ATP1A3: variants seen among roughly 807,000 people sequenced by gnomAD.
The protein encoded by ATP1A3 is sodium/potassium-transporting ATPase subunit alpha-3.
In ATP1A3, 12 loss-of-function variants were observed where a neutral mutation model predicts 108.8. That is an observed-to-expected ratio of 0.11 (90% CI 0.07 to 0.18). The LOEUF (loss-of-function observed/expected upper bound fraction) is 0.18, where lower values mean the gene tolerates loss of function less well. Among genes scored for constraint, ATP1A3 ranks in the 10% least tolerant of loss-of-function variants. ATP1A3 has a pLI of 1.00. For synonymous variants in ATP1A3, 539 were observed against 564.5 expected (o/e 0.95, Z 0.64); for missense variants, 498 against 1,387.7 (o/e 0.36, Z 10.19).
chr19:41,989,735 A>G (rs1170454435), intron 1 of ATP1A3, among the ~76,000 whole-genome samples: 1 of 151,350 alleles, frequency 6.6e-6, no homozygotes, highest in African/African-American at 2.4e-5. Flanking sequence ...GCTTTGTTTC[A>G]TCATCTCTCT....
chr19:41,971,021 G>A (rs1377073860), intron 16 of ATP1A3, among the ~76,000 whole-genome samples: 1 of 151,534 alleles, frequency 6.6e-6, no homozygotes, highest in Non-Finnish European at 1.5e-5. Context: ...CTGCAGTGCA[G>A]TGGCATGATC....
At chr19:41,969,619 T>C (rs377088200) in intron 18 of ATP1A3, 39 bp from the exon 19 acceptor site, 65 of 1,611,236 alleles carry the variant, frequency 4.0e-5, no homozygotes, top group Admixed American at 5.0e-5. Flanking sequence ...GAGGCTCAGA[T>C]TGGGGCCAGC....
In ATP1A3 at chr19:41,994,171, C is replaced by T; in HGVS notation, c.-95G>A. The T allele has an allele frequency of 1.6e-6, 2 of 1,271,856 alleles. No homozygotes were observed. Among genetic ancestry groups the T allele is most frequent in the South Asian group, 1.6e-5 (1 of 64,132 alleles). 78.8% of individuals were successfully genotyped at this position (1,271,856 alleles called of 1,614,324 possible). A position where few individuals can be genotyped will look rare whatever the true frequency, so the allele number is the denominator to read the frequency against. ...TTGGGCTGGGAGCCTCTGCAGCGCC[C>T]GCGCCTCGGTAGGTGCGCGCGTCCG... is the stretch of plus-strand genomic sequence containing the variant. On this transcript the variant is annotated 5_prime_UTR_variant, in exon 1 of 23. Coordinates refer to ENST00000648268, the MANE Select transcript of ATP1A3 (RefSeq NM_152296.5).
At chr19:41,975,144 TG>T (rs1276338472) in intron 16 of ATP1A3, among the ~76,000 whole-genome samples, 10 of 151,906 alleles carry the variant, frequency 6.6e-5, no homozygotes, top group Admixed American at 6.6e-4. Flanking sequence ...CTCCACCTCC[TG>T]GGTTCAAGCA....
intron 18 of ATP1A3, among the ~76,000 whole-genome samples, chr19:41,969,840 C>T (rs1195336164): frequency 6.6e-6 from 1 of 152,222 alleles, no homozygotes; most frequent in Non-Finnish European, 1.5e-5. Context: ...CTCACCTGAC[C>T]TAGGCCACCT....
chr19:41,987,914 AG>A, intron 4 of ATP1A3, 21 bp downstream of exon 4: 2 of 1,612,338 alleles, frequency 1.2e-6, no homozygotes, highest in Non-Finnish European at 1.7e-6. Context: ...AGCCTTGCAC[AG>A]GGCAGGGTCC....
At position 41,984,024 on chromosome 19, in the gene ATP1A3, C is replaced by T. The variant is rs548832415; in HGVS notation, c.993+894G>A. 5.9e-5 allele frequency among the ~76,000 whole-genome samples: 9 copies of T among 152,020 alleles called. No homozygotes were observed. The South Asian group carries it at 1.7e-3, about 28-fold the overall frequency. On this transcript the variant is annotated intron_variant, in intron 8 of 22. Transcript: ENST00000648268. ...TCCTGACCTCAGGTGATCCACCCGC[C>T]TCGGCCTCCCAAAGTCTTGGGACTA...
chr19:41,994,022 G>C, intron 1 of ATP1A3, 49 bp downstream of exon 1: 2 of 1,608,026 alleles, frequency 1.2e-6, no homozygotes, highest in Non-Finnish European at 1.7e-6. Context: ...CAATGTCACC[G>C]GCCCCACAAT....
chr19:41,986,739 AT>A (rs11287033), intron 4 of ATP1A3: 65,588 of 96,572 alleles, frequency 0.68, 21,074 homozygotes, highest in African/African-American at 0.7. Flanking sequence ...CTTTCCTGGC[AT>A]TTTTTTTTTT....
At position 41,993,501 on chromosome 19, in the gene ATP1A3, GCACACA is replaced by G. The variant is rs4060828; in HGVS notation, c.6+564_6+569del. ...CCCAGGCTGCGACACTGCGGAGCCT[GCACACA>G]CACACACACACACACACACACACAC... On this transcript the variant is annotated intron_variant, in intron 1 of 22. Transcript: ENST00000648268. 0.34 allele frequency: 230,068 copies of G among 673,636 alleles called. 26,015 individuals are homozygous for G. Among genetic ancestry groups the G allele is most frequent in the African/African-American group, 0.42 (18,974 of 45,100 alleles). 41.7% of individuals were successfully genotyped at this position (673,636 alleles called of 1,614,324 possible). A position where few individuals can be genotyped will look rare whatever the true frequency, so the allele number is the denominator to read the frequency against.
rs1568867270 is a variant in ATP1A3 at position 41,988,732 on chromosome 19, C to G, written c.7-170G>C. On this transcript the variant is annotated intron_variant, in intron 1 of 22. Transcript: ENST00000648268. This position sits in a 1 kb window ranked among gnomAD's most constrained non-coding sequence, Gnocchi z 5.3. Reference sequence around the variant, plus strand: ...CGGGGTCTCCCTGTGTCTCCCGGAGCCTCTGGGTGACTTCACCTCCCTTCT... The same window carrying G: ...CGGGGTCTCCCTGTGTCTCCCGGAGGCTCTGGGTGACTTCACCTCCCTTCT... The G allele has an allele frequency of 5.8e-6, 8 of 1,385,216 alleles. No individual in the cohort carries two copies. In the East Asian group the frequency reaches 1.5e-4, roughly 26 times the overall value. 85.8% of individuals were successfully genotyped at this position (1,385,216 alleles called of 1,614,324 possible).
Position 41,976,539 on chromosome 19 carries a change from G to T in ATP1A3, c.1971C>A (p.Gly657=), listed in dbSNP as rs957458874. 3.1e-6 allele frequency: 5 copies of T among 1,614,080 alleles called. No homozygotes were observed. Among genetic ancestry groups the T allele is most frequent in the Non-Finnish European group, 4.2e-6 (5 of 1,180,046 alleles). Reference sequence around the variant, plus strand: ...CGGAGGTGAAGTCCTTGAGGTCGGTGCCGTGGATCACGCAGGCCTTGGCAT... The same window carrying T: ...CGGAGGTGAAGTCCTTGAGGTCGGTTCCGTGGATCACGCAGGCCTTGGCAT... The part of the protein sequence containing the change: ...PRDAKACVIH[G]TDLKDFTSEQ... Residue 657 remains glycine (G), a synonymous_variant, in exon 15 of 23, where the codon GGC becomes GGA. Transcript: ENST00000648268.
At chr19:41,977,841 G>A in intron 14 of ATP1A3, 95 bp downstream of exon 14, 2 of 1,541,376 alleles carry the variant, frequency 1.3e-6, no homozygotes, top group Non-Finnish European at 1.8e-6. Flanking sequence ...GAAAGAATGG[G>A]ACAGGCAGTG....
rs201197776 is a variant in ATP1A3 at position 41,977,924 on chromosome 19, T to C, written c.1943+12A>G. ...GGGATGTCCAGGGCCCTGGCTGGGA[T>C]GGGTGGCTCACCGGGGGTTAACCTG... On this transcript the variant is annotated intron_variant, in intron 14 of 22. Transcript: ENST00000648268. 1.2e-6 allele frequency: 2 copies of C among 1,613,942 alleles called. No individual in the cohort carries two copies. Among genetic ancestry groups the C allele is most frequent in the Non-Finnish European group, 8.5e-7 (1 of 1,179,924 alleles).
chr19:41,974,500 T>C (rs1217172800), intron 16 of ATP1A3, among the ~76,000 whole-genome samples: 1 of 152,122 alleles, frequency 6.6e-6, no homozygotes, highest in Admixed American at 6.6e-5. Context: ...TTAACCATGG[T>C]TTCCTCTGGG....
Position 41,981,678 on chromosome 19 carries a change from G to T in ATP1A3, c.1303-42C>A, listed in dbSNP as rs1374501948. 1.2e-6 allele frequency: 2 copies of T among 1,614,066 alleles called. No homozygotes were observed. The highest frequency in any genetic ancestry group is 1.7e-6 in the Non-Finnish European group (2 of 1,180,030). ...TTGTCAGAACAGGGACAGCTGAGGG[G>T]AGGACACAGGCAGGGCCGAGGTGAG... On this transcript the variant is annotated intron_variant, in intron 10 of 22. Coordinates refer to ENST00000648268, the MANE Select transcript of ATP1A3 (RefSeq NM_152296.5). This position sits in a 1 kb window ranked among gnomAD's most constrained non-coding sequence, Gnocchi z 5.0.
chr19:41,976,791 TTTATTTATTTA>T (rs1270699094), intron 14 of ATP1A3, among the ~76,000 whole-genome samples: 2 of 151,822 alleles, frequency 1.3e-5, no homozygotes, highest in East Asian at 1.9e-4. Flanking sequence ...GATTTATTTA[TTTATTTATTTA>T]TTATTTATTT....
intron 1 of ATP1A3, 101 bp downstream of exon 1, chr19:41,993,970 C>G: frequency 1.3e-6 from 2 of 1,566,332 alleles, no homozygotes; most frequent in Non-Finnish European, 8.6e-7. Context: ...GGCCTGGCCC[C>G]GGAGCGCAGG....
intron 4 of ATP1A3, among the ~76,000 whole-genome samples, chr19:41,987,082 A>T (rs1052437247): frequency 1.3e-5 from 2 of 152,098 alleles, no homozygotes; most frequent in Admixed American, 1.3e-4. Context: ...CCTCCTGCAC[A>T]TGTTGAGTCT....
Sources: gnomAD v4.1 joint callset for allele counts (sites outside exome capture counted in the v4.1 genomes callset) on GRCh38, gnomAD v4.1.1 for gene constraint, Gnocchi (gnomAD v3.1) non-coding constraint, MANE v1.5 for transcripts, NCBI Gene and HGNC (gene_info 2026-07-23, HGNC 2026-07-21) for gene names.